Variants in PSMD14 observed in about 807,000 individuals in gnomAD.
PSMD14 encodes the protein ubiquitin C-terminal hydrolase PSMD14.
Under a neutral mutation model 41.2 loss-of-function variants are expected in PSMD14, and 7 were observed. The ratio of observed to expected loss-of-function variants is 0.17; its 90% CI spans 0.10 to 0.32. PSMD14 has a LOEUF of 0.32. Among genes scored for constraint, PSMD14 ranks in the 10% least tolerant of loss-of-function variants. The pLI is 1.00. For synonymous variants in PSMD14, 114 were observed against 122.3 expected (o/e 0.93, Z 0.45); for missense variants, 139 against 375.6 (o/e 0.37, Z 5.21).
chr2:161,328,947 C>T (rs536990665), intron 3 of PSMD14, among the ~76,000 whole-genome samples: 2 of 152,162 alleles, frequency 1.3e-5, no homozygotes, highest in Non-Finnish European at 2.9e-5. Context: ...TTAGAAGAGC[C>T]ACCAAATAAA....
chr2:161,358,305 G>A (rs1683235423), intron 3 of PSMD14, among the ~76,000 whole-genome samples: 1 of 152,054 alleles, frequency 6.6e-6, no homozygotes, highest in Non-Finnish European at 1.5e-5. Flanking sequence ...GTCCATTTTA[G>A]TTGAATGTAA....
chr2:161,397,094 T>C (rs1386955192), intron 10 of PSMD14, among the ~76,000 whole-genome samples: 2 of 152,144 alleles, frequency 1.3e-5, no homozygotes, highest in Admixed American at 1.3e-4. Context: ...CCTCCCAAAG[T>C]GCTGGGATTA....
intron 3 of PSMD14, among the ~76,000 whole-genome samples, chr2:161,346,523 G>A (rs777299052): frequency 6.7e-6 from 1 of 149,014 alleles, no homozygotes; most frequent in Non-Finnish European, 1.5e-5. Context: ...TTGCTGCTTT[G>A]TATGTCTGAT....
chr2:161,341,219 C>G (rs1434589664), intron 3 of PSMD14: 1 of 975,780 alleles, frequency 1.0e-6, no homozygotes, highest in Non-Finnish European at 1.2e-6. Flanking sequence ...CGCGGGCAGG[C>G]TCCGGGCTCG....
intron 1 of PSMD14, among the ~76,000 whole-genome samples, chr2:161,314,375 A>C (rs1006353442): frequency 2.0e-5 from 3 of 152,256 alleles, no homozygotes; most frequent in Non-Finnish European, 4.4e-5. Context: ...CACTTTAAAA[A>C]ATAATCTATT....
At chr2:161,370,255 T>C in intron 6 of PSMD14, 78 bp downstream of exon 6, 1 of 1,112,550 alleles carries the variant, frequency 9.0e-7, no homozygotes, top group Non-Finnish European at 1.3e-6. Context: ...TAGATGTTTA[T>C]CAATGTCATT....
At chr2:161,340,675 C>G (rs1453593008) in intron 3 of PSMD14, 24 of 1,497,932 alleles carry the variant, frequency 1.6e-5, no homozygotes, top group Admixed American at 9.1e-5. Flanking sequence ...GATTGAGGGT[C>G]TAGAGCTCAG....
rs560696713 is a variant in PSMD14, at chr2:161,341,329, C to T, written c.48+22456C>T. ...AGCAGCTCGGCCGGCGCCTCCATCG[C>T]GCCGCGGCCGCCGAGTGCCGGCCAG... On this transcript the variant is annotated intron_variant, in intron 3 of 11. Coordinates refer to ENST00000409682, the MANE Select transcript of PSMD14 (RefSeq NM_005805.6). 5.8e-5 allele frequency: 59 copies of T among 1,012,224 alleles called. No homozygotes were observed. In the African/African-American group the frequency reaches 7.7e-4, roughly 13 times the overall value. 62.7% of individuals were successfully genotyped at this position (1,012,224 alleles called of 1,614,324 possible). A position where few individuals can be genotyped will look rare whatever the true frequency, so the allele number is the denominator to read the frequency against.
At position 161,410,222 on chromosome 2, in the gene PSMD14, C is replaced by T. The variant is rs373562699; in HGVS notation, c.835-1080C>T. Reference sequence around the variant, plus strand: ...GCCAGTGTTTCTCAGTGTTTTTCACCTAAAATGCCCTAAGACTTATTTCTG... The same window carrying T: ...GCCAGTGTTTCTCAGTGTTTTTCACTTAAAATGCCCTAAGACTTATTTCTG... On this transcript the variant is annotated intron_variant, in intron 11 of 11. Transcript: ENST00000409682. Among the ~76,000 whole-genome samples, 6 of 151,864 alleles carry T rather than the reference C, an allele frequency of 4.0e-5. No homozygotes were observed. The South Asian group carries it at 6.2e-4, about 16-fold the overall frequency.
chr2:161,410,083 A>G (rs547218059), intron 11 of PSMD14, among the ~76,000 whole-genome samples: 1 of 152,288 alleles, frequency 6.6e-6, no homozygotes, highest in South Asian at 2.1e-4. Context: ...GCAAAGTTTA[A>G]TAATCATCAG....
intron 9 of PSMD14, 117 bp downstream of exon 9, chr2:161,391,295 T>G: frequency 9.7e-7 from 1 of 1,035,624 alleles, no homozygotes; most frequent in Non-Finnish European, 1.3e-6. Context: ...TTCCAAATAT[T>G]ATTCCATTAT....
At chr2:161,358,248 A>G (rs1166757907) in intron 3 of PSMD14, among the ~76,000 whole-genome samples, 1 of 152,214 alleles carries the variant, frequency 6.6e-6, no homozygotes, top group Non-Finnish European at 1.5e-5. Flanking sequence ...GGTCTTTTTT[A>G]GTCCTATAAA....
chr2:161,353,078 G>A (rs1313837493), intron 3 of PSMD14, among the ~76,000 whole-genome samples: 1 of 152,128 alleles, frequency 6.6e-6, no homozygotes, highest in Non-Finnish European at 1.5e-5. Context: ...GTATATTAAA[G>A]AGAAAATAAT....
intron 3 of PSMD14, chr2:161,341,087 C>T (rs1272411690): frequency 6.6e-7 from 1 of 1,524,790 alleles, no homozygotes; most frequent in Non-Finnish European, 8.8e-7. Flanking sequence ...CGAGCTCCCC[C>T]AGCCCCGCGG....
intron 3 of PSMD14, among the ~76,000 whole-genome samples, chr2:161,359,676 G>A (rs1347618920): frequency 6.6e-6 from 1 of 152,078 alleles, no homozygotes. Flanking sequence ...CTTTTGAATA[G>A]GAAGGACATC....
chr2:161,360,857 A>G (rs535723292), intron 3 of PSMD14, among the ~76,000 whole-genome samples: 2 of 152,292 alleles, frequency 1.3e-5, no homozygotes, highest in Admixed American at 1.3e-4. Flanking sequence ...TTCATCATGT[A>G]TTTCTGATGT....
chr2:161,394,845 T>TGA (rs1430722713), intron 9 of PSMD14, among the ~76,000 whole-genome samples: 1 of 152,114 alleles, frequency 6.6e-6, no homozygotes, highest in Non-Finnish European at 1.5e-5. Flanking sequence ...TATGCAAAGA[T>TGA]GAGAATAGCC....
At chr2:161,349,994 A>C (rs1337978141) in intron 3 of PSMD14, among the ~76,000 whole-genome samples, 1 of 152,234 alleles carries the variant, frequency 6.6e-6, no homozygotes, top group Non-Finnish European at 1.5e-5. Flanking sequence ...TTCTTTTCAT[A>C]AGAGGGAACT....
chr2:161,386,787 A>G (rs895446159), intron 8 of PSMD14, among the ~76,000 whole-genome samples: 1 of 151,942 alleles, frequency 6.6e-6, no homozygotes, highest in African/African-American at 2.4e-5. Flanking sequence ...AGCCAAGATC[A>G]TTGTGATTAC....
Sources: gnomAD v4.1 joint callset for allele counts (sites outside exome capture counted in the v4.1 genomes callset) on GRCh38, gnomAD v4.1.1 for gene constraint, MANE v1.5 for transcripts, NCBI Gene and HGNC (gene_info 2026-07-23, HGNC 2026-07-21) for gene names.